Variants in DMXL1 observed in about 807,000 individuals in gnomAD.
The protein encoded by DMXL1 is dmX-like protein 1.
A neutral mutation model predicts 319.2 loss-of-function variants in DMXL1; 99 were observed. The ratio of observed to expected loss-of-function variants is 0.31; its 90% confidence interval spans 0.26 to 0.37. DMXL1 has a LOEUF of 0.37. DMXL1 is among the 10% of genes least tolerant of loss of function. DMXL1 has a pLI of 1.00. For synonymous variants in DMXL1, 1,385 were observed against 1,235.2 expected (o/e 1.12, Z -2.54); for missense variants, 3,745 against 3,595.6 (o/e 1.04, Z -1.06).
intron 1 of DMXL1, among the ~76,000 whole-genome samples, chr5:119,082,016 T>TAC (rs1379090382): frequency 5.6e-4 from 44 of 78,722 alleles, no homozygotes; most frequent in Admixed American, 4.8e-4. Context: ...TATATATATA[T>TAC]ATATACACAC....
intron 13 of DMXL1, among the ~76,000 whole-genome samples, chr5:119,139,817 T>A (rs1363076888): frequency 1.3e-5 from 2 of 152,118 alleles, no homozygotes; most frequent in East Asian, 3.9e-4. Flanking sequence ...AACAACAGAA[T>A]ATATATTCCT....
rs917579432 is a variant in DMXL1, at chr5:119,224,777, G to A, written c.8338+8G>A. ...ATCCAACTCTTCCTTACTGTAAGTT[G>A]AATAATAATTAGCAATTGTCCTTTC... On this transcript the variant is annotated splice_region_variant and intron_variant, in intron 38 of 43. Transcript: ENST00000539542. 8 of 1,204,268 alleles carry A rather than the reference G, an allele frequency of 6.6e-6. No homozygotes were observed. The allele number at this position is 1,204,268 out of a possible 1,614,324, so 74.6% of individuals were successfully genotyped here.
In DMXL1 at chr5:119,071,588, C is replaced by G; in HGVS notation, c.19C>G (p.Leu7Val). The change falls in exon 1 of 44, where the codon CTG becomes GTG. Residue 7 changes from leucine (L) to valine (V), a missense_variant. Around this residue, in one of 4 missense-constraint regions of DMXL1, gnomAD observed 2,096 missense variants for 1,985.4 expected, o/e 1.06. Transcript: ENST00000539542. Reference sequence around the variant, plus strand: ...CGCCGACATGAACCTGCACCAGGTGCTGACCGGGGCTGTGAACCCTGGCGA... The same window carrying G: ...CGCCGACATGAACCTGCACCAGGTGGTGACCGGGGCTGTGAACCCTGGCGA... MNLHQV[L>V]TGAVNPGDHC... is the part of the protein sequence containing the mutation. 6.2e-7 allele frequency: 1 copy of G among 1,605,532 alleles called. No homozygotes were observed. The highest frequency in any genetic ancestry group is 2.3e-5 in the East Asian group (1 of 44,426).
chr5:119,206,850 G>T lies in DMXL1; in HGVS notation c.7880G>T (p.Ser2627Ile), dbSNP rs1337255379. The change falls in exon 34 of 44, where the codon AGT (serine) becomes ATT (isoleucine). Residue 2627 changes from serine (S) to isoleucine (I), a missense_variant. By Grantham distance (142) the Ser-to-Ile change is moderately radical (BLOSUM62 -2). This residue lies in a region of DMXL1 where 1,382 missense variants were observed against 1,269.5 expected (regional missense o/e 1.09). Coordinates refer to ENST00000539542, the MANE Select transcript of DMXL1 (RefSeq NM_001290321.3). ...TTGATGAAGTCATTAGAGGACAACAGTGAAACCATCAAAAATTCTATGATG... is the reference window on the plus strand; with the variant it reads ...TTGATGAAGTCATTAGAGGACAACATTGAAACCATCAAAAATTCTATGATG... ...RCLNESLEDN[S>I]ETIKNSMMEE... The T allele has an allele frequency of 1.3e-6, 2 of 1,527,792 alleles. No homozygotes were observed. The highest frequency in any genetic ancestry group is 1.4e-5 in the African/African-American group (1 of 72,822). 94.6% of individuals were successfully genotyped at this position (1,527,792 alleles called of 1,614,324 possible). A position where few individuals can be genotyped will look rare whatever the true frequency, so the allele number is the denominator to read the frequency against.
At chr5:119,132,013 A>T (rs1010616248) in intron 10 of DMXL1, among the ~76,000 whole-genome samples, 14 of 152,236 alleles carry the variant, frequency 9.2e-5, no homozygotes, top group Non-Finnish European at 1.2e-4. Context: ...AGTCTTCTTC[A>T]TTATGCAGAT....
At chr5:119,178,379 C>T in intron 28 of DMXL1, 135 bp downstream of exon 28, 1 of 1,030,364 alleles carries the variant, frequency 9.7e-7, no homozygotes, top group South Asian at 1.8e-5. Context: ...AACAAATAGT[C>T]ATACAGTGAA....
intron 43 of DMXL1, 118 bp from the exon 44 acceptor site, chr5:119,246,877 C>T: frequency 1.5e-6 from 1 of 662,310 alleles, no homozygotes; most frequent in Non-Finnish European, 2.6e-6. Context: ...AGGTGGTCTG[C>T]CTGCCTTGAC....
chr5:119,237,287 A>T (rs1380935408), intron 39 of DMXL1, 35 bp from the exon 40 acceptor site: 2 of 1,274,298 alleles, frequency 1.6e-6, no homozygotes, highest in African/African-American at 1.5e-5. Context: ...TTTTATATTT[A>T]TATTAAATAC....
intron 1 of DMXL1, among the ~76,000 whole-genome samples, chr5:119,075,561 AGTT>A (rs1750655799): frequency 6.6e-6 from 1 of 152,050 alleles, no homozygotes; most frequent in Admixed American, 6.6e-5. Context: ...TTTCAAAGTC[AGTT>A]GTTAGGCATT....
chr5:119,147,102 TTTC>T (rs1261799013), intron 16 of DMXL1, 144 bp from the exon 17 acceptor site: 20 of 1,148,316 alleles, frequency 1.7e-5, no homozygotes, highest in Non-Finnish European at 2.5e-5. Flanking sequence ...TCAAAAAGCT[TTTC>T]TTATTTTCTT....
intron 19 of DMXL1, among the ~76,000 whole-genome samples, chr5:119,157,974 A>G (rs1480044625): frequency 6.6e-6 from 1 of 152,134 alleles, no homozygotes; most frequent in Non-Finnish European, 1.5e-5. Context: ...TGAACACTGG[A>G]TATCTTACCA....
chr5:119,197,381 T>G (rs560738456), intron 31 of DMXL1, among the ~76,000 whole-genome samples: 2 of 152,362 alleles, frequency 1.3e-5, no homozygotes, highest in African/African-American at 4.8e-5. Flanking sequence ...GAATTTGTGT[T>G]GGGCTTTATT....
At position 119,131,282 on chromosome 5, in the gene DMXL1, G is replaced by A. The variant is rs1309596388; in HGVS notation, c.1316-1850G>A. Among the ~76,000 whole-genome samples the A allele has an allele frequency of 2.0e-5, 3 of 151,936 alleles. No homozygotes were observed. The East Asian group carries it at 5.8e-4, about 29-fold the overall frequency. On this transcript the variant is annotated intron_variant, in intron 10 of 43. Coordinates refer to ENST00000539542, the MANE Select transcript of DMXL1 (RefSeq NM_001290321.3). ...TATTGCTAACCAGGAATTGGGGGAG[G>A]GTGAGGGGACTGGGATTTTTGAAAG...
At chr5:119,120,094 T>C (rs1362022368) in intron 8 of DMXL1, among the ~76,000 whole-genome samples, 1 of 152,076 alleles carries the variant, frequency 6.6e-6, no homozygotes, top group African/African-American at 2.4e-5. Flanking sequence ...TTGGCTCAAG[T>C]AATCCTCCCA....
At chr5:119,145,949 T>C (rs1269702599) in intron 15 of DMXL1, among the ~76,000 whole-genome samples, 1 of 151,810 alleles carries the variant, frequency 6.6e-6, no homozygotes, top group Non-Finnish European at 1.5e-5. Flanking sequence ...CTATTCTGTT[T>C]ACTTTTGTTA....
chr5:119,123,992 TCAA>T (rs2149982746), intron 9 of DMXL1, among the ~76,000 whole-genome samples: 1 of 151,454 alleles, frequency 6.6e-6, no homozygotes, highest in South Asian at 2.1e-4. Context: ...ATCAGTGTAC[TCAA>T]TTTAACATTC....
chr5:119,195,891 T>G (rs1041307720), intron 30 of DMXL1, among the ~76,000 whole-genome samples: 1 of 152,202 alleles, frequency 6.6e-6, no homozygotes, highest in Admixed American at 6.5e-5. Flanking sequence ...TCTATCCAAT[T>G]TCTTCTGCAC....
intron 1 of DMXL1, among the ~76,000 whole-genome samples, chr5:119,077,988 G>A (rs768655125): frequency 1.5e-4 from 23 of 151,510 alleles, no homozygotes; most frequent in Non-Finnish European, 3.4e-4. Flanking sequence ...ACCTGCCTCA[G>A]CCTCCCAAAG....
Position 119,075,242 on chromosome 5 carries a change from T to C in DMXL1, c.87+3586T>C, listed in dbSNP as rs1438548320. Reference sequence around the variant, plus strand: ...ATTCCTGTTAGTTTCTTTTTTTTTCTTTTTTTTTTTTTTTGGAGACTGAGT... The same window carrying C: ...ATTCCTGTTAGTTTCTTTTTTTTTCCTTTTTTTTTTTTTTGGAGACTGAGT... On this transcript the variant is annotated intron_variant, in intron 1 of 43. Coordinates refer to ENST00000539542, the MANE Select transcript of DMXL1 (RefSeq NM_001290321.3). Among the ~76,000 whole-genome samples the C allele has an allele frequency of 1.9e-4, 6 of 32,322 alleles. No homozygotes were observed. In the South Asian group the frequency reaches 7.2e-3, roughly 39 times the overall value. 21.2% of individuals were successfully genotyped at this position (32,322 alleles called of 152,430 possible).
Sources: gnomAD v4.1 joint callset for allele counts (sites outside exome capture counted in the v4.1 genomes callset) on GRCh38, gnomAD v4.1.1 for gene constraint, gnomAD v4.1.1 regional missense constraint, MANE v1.5 for transcripts, NCBI Gene and HGNC (gene_info 2026-07-23, HGNC 2026-07-21) for gene names.